The following APOBEC3D variants were observed in gnomAD, a reference collection of about 807,000 sequenced individuals.
The protein encoded by APOBEC3D is apolipoprotein B mRNA editing enzyme catalytic subunit 3D.
A neutral mutation model predicts 45.6 loss-of-function variants in APOBEC3D; 37 were observed. The ratio of observed to expected loss-of-function variants is 0.81; its 90% CI spans 0.62 to 1.07. The LOEUF (loss-of-function observed/expected upper bound fraction) is 1.07, where lower values mean the gene tolerates loss of function less well. APOBEC3D is among the 50% of genes least tolerant of loss of function. The pLI, the probability that APOBEC3D is intolerant of heterozygous loss-of-function variation, is 0.00. For missense variants in APOBEC3D, 496 were observed against 495.3 expected (o/e 1.00, Z -0.01); for synonymous variants, 175 against 180.7 (o/e 0.97, Z 0.25).
intron 4 of APOBEC3D, among the ~76,000 whole-genome samples, chr22:39,027,636 C>T (rs1353832241): frequency 6.6e-6 from 1 of 152,226 alleles, no homozygotes; most frequent in East Asian, 1.9e-4. Context: ...ACACATGAAG[C>T]CTCAGATCAG....
intron 4 of APOBEC3D, among the ~76,000 whole-genome samples, chr22:39,027,279 G>T (rs1277390693): frequency 6.6e-6 from 1 of 152,104 alleles, no homozygotes; most frequent in Non-Finnish European, 1.5e-5. Context: ...ATGGCATCCT[G>T]GGGGGACATC....
In APOBEC3D at chr22:39,023,260, C is replaced by T. The variant is rs13057307; in HGVS notation, c.210+246C>T. ...CATCCTGAGTAGCTGGGACTACAGG[C>T]GCGTGCTACCACGCCCGGCTAATTT... is the stretch of plus-strand genomic sequence containing the variant. On this transcript the variant is annotated intron_variant, in intron 2 of 6. Coordinates refer to ENST00000216099, the MANE Select transcript of APOBEC3D (RefSeq NM_152426.4). Among the ~76,000 whole-genome samples the T allele has an allele frequency of 0.34, 51,372 of 151,110 alleles. 9,230 individuals are homozygous for T. The highest frequency in any genetic ancestry group is 0.56 in the East Asian group (2,842 of 5,120).
chr22:39,025,426 T>C (rs1925544272), intron 3 of APOBEC3D, 77 bp downstream of exon 3: 1 of 1,612,660 alleles, frequency 6.2e-7, no homozygotes. Flanking sequence ...ATGCCATGGC[T>C]GGGGGTGTTC....
chr22:39,027,429 G>A (rs1362676084), intron 4 of APOBEC3D, among the ~76,000 whole-genome samples: 2 of 152,152 alleles, frequency 1.3e-5, no homozygotes, highest in East Asian at 1.9e-4. Flanking sequence ...GATGATTCCT[G>A]AGGGCAGGAT....
chr22:39,026,902 C>A (rs1333978259), intron 4 of APOBEC3D, among the ~76,000 whole-genome samples: 1 of 152,108 alleles, frequency 6.6e-6, no homozygotes, highest in Non-Finnish European at 1.5e-5. Flanking sequence ...CAGGCTCATG[C>A]CACCATGCCG....
At position 39,021,362 on chromosome 22, in the gene APOBEC3D, T is replaced by C. The variant is rs1367531234; in HGVS notation, c.-158T>C. The C allele has an allele frequency of 5.3e-6, 5 of 946,154 alleles. No homozygotes were observed. The highest frequency in any genetic ancestry group is 8.2e-6 in the Non-Finnish European group (5 of 609,254). 58.6% of individuals were successfully genotyped at this position (946,154 alleles called of 1,614,324 possible). On this transcript the variant is annotated 5_prime_UTR_variant, in exon 1 of 7. Transcript: ENST00000216099. ...ACCTCGTGATCCGCCCGCCTCGGCCTCCCAAAGTGCTGGGATTACAGGCGT... is the reference window on the plus strand; with the variant it reads ...ACCTCGTGATCCGCCCGCCTCGGCCCCCCAAAGTGCTGGGATTACAGGCGT...
rs11445446 is a variant in APOBEC3D, at chr22:39,033,049, CA to C, written c.*742del. On this transcript the variant is annotated 3_prime_UTR_variant, in exon 7 of 7. Transcript: ENST00000216099. ...GCCACACGACAAAGCCCCATTTCTACAAAAAAAAATACCAAAAAAAAGCCAG... is the reference window on the plus strand; with the variant it reads ...GCCACACGACAAAGCCCCATTTCTACAAAAAAAATACCAAAAAAAAGCCAG... 2.0e-5 allele frequency: 3 copies of C among 150,642 alleles called. No individual in the cohort carries two copies. The highest frequency in any genetic ancestry group is 2.1e-4 in the South Asian group (1 of 4,768). 9.3% of individuals were successfully genotyped at this position (150,642 alleles called of 1,614,324 possible).
rs375631825 is a variant in APOBEC3D, at chr22:39,025,218, T to C, written c.359T>C (p.Leu120Ser). The C allele has an allele frequency of 1.6e-4, 255 of 1,613,846 alleles. No homozygotes were observed. Among genetic ancestry groups the C allele is most frequent in the Non-Finnish European group, 1.9e-4 (228 of 1,179,932 alleles). The part of the protein sequence containing the change: ...LPCVVKVTKF[L>S]AEHPNVTLTI... Reference sequence around the variant, plus strand: ...TGTGTGGTGAAGGTGACCAAATTCTTGGCTGAGCACCCCAATGTCACCCTG... The same window carrying C: ...TGTGTGGTGAAGGTGACCAAATTCTCGGCTGAGCACCCCAATGTCACCCTG... Residue 120 changes from leucine (L) to serine (S), a missense_variant, in exon 3 of 7, where the codon TTG becomes TCG. Leu to Ser is a moderately radical substitution (Grantham distance 145, BLOSUM62 -2). Coordinates refer to ENST00000216099, the MANE Select transcript of APOBEC3D (RefSeq NM_152426.4).
Position 39,032,385 on chromosome 22 carries a change from A to G in APOBEC3D, c.*69A>G, listed in dbSNP as rs886632976. On this transcript the variant is annotated 3_prime_UTR_variant, in exon 7 of 7. Transcript: ENST00000216099. ...CTCATGCTGCACGGGCCTCCCCTCC[A>G]TCCTGCACCAGCTGTGCTTTTGCCT... The G allele has an allele frequency of 3.2e-6, 5 of 1,586,134 alleles. No homozygotes were observed. The African/African-American group carries it at 5.4e-5, about 17-fold the overall frequency.
At chr22:39,027,068 G>A (rs541623654) in intron 4 of APOBEC3D, among the ~76,000 whole-genome samples, 1 of 152,254 alleles carries the variant, frequency 6.6e-6, no homozygotes, top group East Asian at 1.9e-4. Flanking sequence ...GGACCAGAGA[G>A]GCCCTAGAAA....
chr22:39,023,979 G>A (rs531375952), intron 2 of APOBEC3D, among the ~76,000 whole-genome samples: 120 of 152,116 alleles, frequency 7.9e-4, no homozygotes, highest in Middle Eastern at 3.4e-3. Flanking sequence ...GGAGGGAGTC[G>A]TCTGTATGCT....
At chr22:39,030,056 C>T (rs1218517270) in intron 5 of APOBEC3D, among the ~76,000 whole-genome samples, 4 of 151,022 alleles carry the variant, frequency 2.6e-5, no homozygotes, top group Admixed American at 2.0e-4. Flanking sequence ...AAAATCTTGT[C>T]ATGGAGCTGT....
At chr22:39,024,578 C>T (rs1302904353) in intron 2 of APOBEC3D, among the ~76,000 whole-genome samples, 1 of 152,160 alleles carries the variant, frequency 6.6e-6, no homozygotes, top group African/African-American at 2.4e-5. Flanking sequence ...GGAAGTCCAA[C>T]GTCAAGGCAC....
chr22:39,024,955 GC>G (rs1925477891), intron 2 of APOBEC3D, 114 bp from the exon 3 acceptor site: 1 of 975,702 alleles, frequency 1.0e-6, no homozygotes, highest in Non-Finnish European at 1.5e-6. Context: ...GAGGAAAGGA[GC>G]TTCAATGGCA....
chr22:39,021,541 C>G lies in APOBEC3D; in HGVS notation c.17+5C>G. On this transcript the variant is annotated splice_donor_5th_base_variant and intron_variant, in intron 1 of 6. Transcript: ENST00000216099. ...GAACATGAATCCACAGATCAGGTAC[C>G]GCTGCCCACTATGTCCGCAGGGCCC... The G allele has an allele frequency of 6.2e-7, 1 of 1,613,898 alleles. No homozygotes were observed. The highest frequency in any genetic ancestry group is 8.5e-7 in the Non-Finnish European group (1 of 1,180,026).
chr22:39,026,223 T>C (rs1206810482), intron 4 of APOBEC3D, among the ~76,000 whole-genome samples: 1 of 152,030 alleles, frequency 6.6e-6, no homozygotes, highest in Non-Finnish European at 1.5e-5. Context: ...TGGGGTTGTG[T>C]CCTCTGTGGC....
At chr22:39,024,880 C>T (rs1184736835) in intron 2 of APOBEC3D, among the ~76,000 whole-genome samples, 190 bp from the exon 3 acceptor site, 1 of 152,106 alleles carries the variant, frequency 6.6e-6, no homozygotes, top group Non-Finnish European at 1.5e-5. Flanking sequence ...AAGGCCAGTA[C>T]CATAGCAATT....
chr22:39,022,756 G>A (rs1351149498), intron 1 of APOBEC3D, 66 bp from the exon 2 acceptor site: 2 of 1,547,722 alleles, frequency 1.3e-6, no homozygotes, highest in Admixed American at 3.8e-5. Flanking sequence ...TGTGTTCAGT[G>A]GACATGAGCC....
chr22:39,028,353 C>G (rs542941978), intron 4 of APOBEC3D, among the ~76,000 whole-genome samples: 2 of 152,358 alleles, frequency 1.3e-5, no homozygotes, highest in Admixed American at 6.5e-5. Flanking sequence ...GGGCTGGCCT[C>G]GAAAGGGGCC....
Sources: gnomAD v4.1 joint callset for allele counts (sites outside exome capture counted in the v4.1 genomes callset) on GRCh38, gnomAD v4.1.1 for gene constraint, MANE v1.5 for transcripts, NCBI Gene and HGNC (gene_info 2026-07-23, HGNC 2026-07-21) for gene names.